FHIT: variants seen among roughly 807,000 people sequenced by gnomAD.
FHIT encodes bis(5'-adenosyl)-triphosphatase.
A neutral mutation model predicts 17.9 loss-of-function variants in FHIT; 19 were observed. The ratio of observed to expected loss-of-function variants is 1.06; its 90% confidence interval spans 0.74 to 1.56. FHIT has a LOEUF of 1.56. Ranked by LOEUF, FHIT falls within the 40% of genes most tolerant of loss-of-function variation. The pLI, the probability that FHIT is intolerant of heterozygous loss-of-function variation, is 0.00. For synonymous variants in FHIT, 81 were observed against 69.7 expected, an observed-to-expected ratio of 1.16 and a Z score of -0.81; for missense variants, 248 against 189.2, an observed-to-expected ratio of 1.31 and a Z score of -1.82.
At chr3:61,116,393 C>G (rs1426573558) in intron 2 of FHIT, among the ~76,000 whole-genome samples, 1 of 152,194 alleles carries the variant, frequency 6.6e-6, no homozygotes, top group African/African-American at 2.4e-5. Flanking sequence ...TTTGGGAATG[C>G]CCTTGTCCAC....
intron 8 of FHIT, among the ~76,000 whole-genome samples, chr3:59,893,334 G>A (rs1042032460): frequency 1.3e-5 from 2 of 152,200 alleles, no homozygotes; most frequent in Admixed American, 6.5e-5. Context: ...AGAGGGAAAT[G>A]CATCTCCCTT....
At chr3:59,755,554 CCTTCTAGATTA>C (rs1295601377) in intron 8 of FHIT, among the ~76,000 whole-genome samples, 1 of 152,168 alleles carries the variant, frequency 6.6e-6, no homozygotes, top group East Asian at 1.9e-4. Flanking sequence ...TTCTGATAAG[CCTTCTAGATTA>C]CTTTGGCTGC....
intron 4 of FHIT, among the ~76,000 whole-genome samples, chr3:60,615,765 T>C (rs971735110): frequency 1.3e-5 from 2 of 152,234 alleles, no homozygotes; most frequent in African/African-American, 4.8e-5. Context: ...GTAGAAGTCT[T>C]ATTCAAATAA....
rs1482113937 is a variant in FHIT at position 60,323,339 on chromosome 3, G to GA, written c.103+213520dup. On this transcript the variant is annotated intron_variant, in intron 5 of 9. Transcript: ENST00000492590. ...CTTTGCCAACTACATGGATAATAAAGAAAAAAATGAGAATTTTAAAGCTAA... is the reference window on the plus strand; with the variant it reads ...CTTTGCCAACTACATGGATAATAAAGAAAAAAAATGAGAATTTTAAAGCTAA... Among the ~76,000 whole-genome samples, 7 of 152,002 alleles carry GA rather than the reference G, an allele frequency of 4.6e-5. No homozygotes were observed. The East Asian group carries it at 1.3e-3, about 29-fold the overall frequency.
intron 3 of FHIT, among the ~76,000 whole-genome samples, chr3:60,905,447 A>G (rs1388852289): frequency 6.6e-6 from 1 of 152,170 alleles, no homozygotes; most frequent in Admixed American, 6.5e-5. Context: ...ACCTATCTAT[A>G]TATTTACTTA....
In FHIT at chr3:61,134,414, T is replaced by C. The variant is rs140530579; in HGVS notation, c.-164+66203A>G. Reference sequence around the variant, plus strand: ...CTACTATGGTCCAAGCATTCTATATTGGAAGTATAGCAGTAAACAGGATAT... The same window carrying C: ...CTACTATGGTCCAAGCATTCTATATCGGAAGTATAGCAGTAAACAGGATAT... On this transcript the variant is annotated intron_variant, in intron 2 of 9. Coordinates refer to ENST00000492590, the MANE Select transcript of FHIT (RefSeq NM_002012.4). 5.7e-3 allele frequency among the ~76,000 whole-genome samples: 874 copies of C among 152,250 alleles called. 5 individuals carry two copies. The highest frequency in any genetic ancestry group is 8.8e-3 in the Non-Finnish European group (601 of 68,008).
chr3:60,256,443 G>C (rs972514439), intron 5 of FHIT, among the ~76,000 whole-genome samples: 1 of 152,140 alleles, frequency 6.6e-6, no homozygotes, highest in Non-Finnish European at 1.5e-5. Flanking sequence ...CCAGGCTAAG[G>C]TATTTTGTTA....
At chr3:59,997,418 A>G (rs974010306) in intron 7 of FHIT, among the ~76,000 whole-genome samples, 4 of 152,192 alleles carry the variant, frequency 2.6e-5, no homozygotes, top group Admixed American at 1.3e-4. Context: ...AAGAAAGGAA[A>G]TGAAAAAGCA....
At chr3:60,003,929 T>A (rs1699824910) in intron 7 of FHIT, among the ~76,000 whole-genome samples, 1 of 151,990 alleles carries the variant, frequency 6.6e-6, no homozygotes, top group African/African-American at 2.4e-5. Context: ...GTTTAAAATT[T>A]TGAAATTAGA....
intron 4 of FHIT, among the ~76,000 whole-genome samples, chr3:60,768,230 G>A (rs1006951639): frequency 5.3e-5 from 8 of 152,118 alleles, no homozygotes; most frequent in South Asian, 2.1e-4. Flanking sequence ...ATTGTTCCAC[G>A]TTAATTCATG....
intron 2 of FHIT, among the ~76,000 whole-genome samples, chr3:61,073,842 T>A (rs190722308): frequency 4.1e-4 from 63 of 152,288 alleles, no homozygotes; most frequent in African/African-American, 1.5e-3. Flanking sequence ...AAGGACACAA[T>A]GCAGAAATTG....
chr3:61,043,737 C>T (rs542349766), intron 2 of FHIT, among the ~76,000 whole-genome samples: 10 of 152,240 alleles, frequency 6.6e-5, no homozygotes, highest in South Asian at 4.1e-4. Context: ...CAGTAGGGGC[C>T]GACTGACACC....
chr3:61,213,656 C>G (rs1192007270), intron 1 of FHIT, among the ~76,000 whole-genome samples: 1 of 152,154 alleles, frequency 6.6e-6, no homozygotes, highest in Non-Finnish European at 1.5e-5. Flanking sequence ...CCAAGCAGAC[C>G]TAATAGACAT....
intron 5 of FHIT, among the ~76,000 whole-genome samples, chr3:60,496,179 CCT>C (rs1204210827): frequency 6.6e-6 from 1 of 151,874 alleles, no homozygotes; most frequent in East Asian, 1.9e-4. Flanking sequence ...GGCACTATCC[CCT>C]GTCCCGACCC....
intron 4 of FHIT, among the ~76,000 whole-genome samples, chr3:60,820,019 A>T (rs552784063): frequency 7.9e-5 from 12 of 152,162 alleles, no homozygotes; most frequent in Non-Finnish European, 1.8e-4. Flanking sequence ...TTTAAAAAGA[A>T]CCTTCTAGCC....
chr3:60,372,574 G>C (rs1289043457), intron 5 of FHIT, among the ~76,000 whole-genome samples: 11 of 152,152 alleles, frequency 7.2e-5, no homozygotes, highest in East Asian at 1.9e-4. Context: ...AAAGAGTCAT[G>C]AGTACAAGTT....
At chr3:59,815,977 T>C (rs904396746) in intron 8 of FHIT, among the ~76,000 whole-genome samples, 2 of 152,204 alleles carry the variant, frequency 1.3e-5, no homozygotes, top group African/African-American at 4.8e-5. Flanking sequence ...CTTCAAAGCA[T>C]AACAGAAAAT....
At chr3:60,023,369 T>G (rs1432414751) in intron 5 of FHIT, among the ~76,000 whole-genome samples, 1 of 152,334 alleles carries the variant, frequency 6.6e-6, no homozygotes, top group East Asian at 1.9e-4. Context: ...CACCAGTATG[T>G]GAATGAGGGG....
intron 5 of FHIT, among the ~76,000 whole-genome samples, chr3:60,249,496 G>A (rs565459327): frequency 6.6e-6 from 1 of 152,020 alleles, no homozygotes; most frequent in African/African-American, 2.4e-5. Context: ...TTGGCTCAGG[G>A]GATGAGTGAG....
Sources: gnomAD v4.1 joint callset for allele counts (sites outside exome capture counted in the v4.1 genomes callset) on GRCh38, gnomAD v4.1.1 for gene constraint, MANE v1.5 for transcripts, NCBI Gene and HGNC (gene_info 2026-07-23, HGNC 2026-07-21) for gene names.